The following DCHS2 variants were observed in gnomAD, a reference collection of about 807,000 sequenced individuals.
DCHS2 encodes the protein dachsous cadherin-related 2, also known as protocadherin-23.
In DCHS2, 142 loss-of-function variants were observed where a neutral mutation model predicts 182.4. The ratio of observed to expected loss-of-function variants is 0.78; its 90% CI spans 0.68 to 0.89. DCHS2 has a LOEUF of 0.89. Among genes scored for constraint, DCHS2 ranks in the 40% least tolerant of loss-of-function variants. The pLI is 0.00. For synonymous variants in DCHS2, 1,740 were observed against 1,663.3 expected (o/e 1.05, Z -1.12); for missense variants, 4,319 against 4,198.6 (o/e 1.03, Z -0.79).
At chr4:154,463,904 T>C (rs913048763) in intron 1 of DCHS2, among the ~76,000 whole-genome samples, 5 of 152,148 alleles carry the variant, frequency 3.3e-5, no homozygotes, top group African/African-American at 1.2e-4. Context: ...AAAAAACATG[T>C]GTAAAAATAA....
chr4:154,289,892 T>TA (rs1358907557), intron 13 of DCHS2, among the ~76,000 whole-genome samples: 1 of 152,042 alleles, frequency 6.6e-6, no homozygotes, highest in African/African-American at 2.4e-5. Flanking sequence ...CCCTTCATGA[T>TA]AAACACCTTC....
rs1046092249 is a variant in DCHS2, at chr4:154,406,423, C to T, written c.2053-28979G>A. Among the ~76,000 whole-genome samples, 5 of 152,302 alleles carry T rather than the reference C, an allele frequency of 3.3e-5. No homozygotes were observed. The East Asian group carries it at 9.6e-4, about 29-fold the overall frequency. On this transcript the variant is annotated intron_variant, in intron 1 of 19. Transcript: ENST00000357232. ...TTCCTGTTCTCTTCTCTCAAGAATC[C>T]CAGTCCTGCTCTGCCTATTGTCCAA...
chr4:154,439,444 GT>G, intron 1 of DCHS2, among the ~76,000 whole-genome samples: 1 of 152,132 alleles, frequency 6.6e-6, no homozygotes, highest in East Asian at 1.9e-4. Flanking sequence ...TGAAATACTT[GT>G]TTTTTAGTTA....
intron 13 of DCHS2, among the ~76,000 whole-genome samples, chr4:154,271,101 G>A (rs1195303753): frequency 6.6e-6 from 1 of 152,136 alleles, no homozygotes; most frequent in Non-Finnish European, 1.5e-5. Flanking sequence ...GACTGATAGA[G>A]GCAAGAAGAC....
At chr4:154,333,702 G>T in intron 4 of DCHS2, 1 of 605,614 alleles carries the variant, frequency 1.7e-6, no homozygotes, top group East Asian at 2.8e-5. Flanking sequence ...TTACCATTGG[G>T]GTACAACTGC....
At chr4:154,425,210 T>C (rs4696564) in intron 1 of DCHS2, among the ~76,000 whole-genome samples, 126,474 of 152,154 alleles carry the variant, frequency 0.83, 54,886 homozygotes, top group Non-Finnish European at 0.95. Context: ...AATGAAAGGA[T>C]GAACTTCTTT....
At chr4:154,487,826 A>G (rs1263268484) in intron 1 of DCHS2, among the ~76,000 whole-genome samples, 1 of 152,254 alleles carries the variant, frequency 6.6e-6, no homozygotes, top group Non-Finnish European at 1.5e-5. Context: ...TATTTACTCA[A>G]GTTATTTCAG....
In DCHS2 at chr4:154,333,375, C is replaced by G; in HGVS notation, c.2833G>C (p.Val945Leu). Reference protein sequence around the residue: ...RKPLDHETQPVVVLTVQAQLG... With the variant: ...RKPLDHETQPLVVLTVQAQLG... ...TGCGCCTGCACCGTGAGCACAACCA[C>G]GGGCTGCGTCTCGTGATCCAGGGGC... The change falls in exon 5 of 20, where the codon GTG (valine) becomes CTG (leucine). Residue 945 changes from valine (V) to leucine (L), a missense_variant. Coordinates refer to ENST00000357232, the MANE Select transcript of DCHS2 (RefSeq NM_001358235.2). 17 of 1,614,178 alleles carry G rather than the reference C, an allele frequency of 1.1e-5. No individual in the cohort carries two copies. The highest frequency in any genetic ancestry group is 1.4e-5 in the Non-Finnish European group (17 of 1,180,046).
chr4:154,328,234 T>C (rs748915535), intron 6 of DCHS2, 42 bp from the exon 7 acceptor site: 47 of 1,475,502 alleles, frequency 3.2e-5, no homozygotes, highest in Non-Finnish European at 4.4e-5. Flanking sequence ...TCAGCAAAAG[T>C]TTAAAAAGAA....
At chr4:154,410,995 C>T (rs1351107441) in intron 1 of DCHS2, among the ~76,000 whole-genome samples, 2 of 152,104 alleles carry the variant, frequency 1.3e-5, no homozygotes, top group East Asian at 3.9e-4. Context: ...CAAGGAAAAA[C>T]AACAAAAACT....
chr4:154,236,745 A>C lies in DCHS2; in HGVS notation c.7907T>G (p.Leu2636Arg). ...EASASHELVI[L>R]ASDSGCPPLS... ...TGGAGGGCAGCCACTGTCAGATGCC[A>C]GAATGACAAGCTCATGGCTAGCACT... Residue 2636 changes from leucine (L) to arginine (R), a missense_variant, in exon 20 of 20, where the codon CTG becomes CGG. Physicochemically the swap from Leu to Arg is moderately radical, Grantham distance 102. Transcript: ENST00000357232. 1.2e-6 allele frequency: 2 copies of C among 1,614,050 alleles called. No individual in the cohort carries two copies. The highest frequency in any genetic ancestry group is 1.7e-6 in the Non-Finnish European group (2 of 1,179,978).
In DCHS2 at chr4:154,297,835, T is replaced by G. The variant is rs761183717; in HGVS notation, c.6463+16A>C. ...AAAACAGGTACAATATATGAAAAAC[T>G]TGAAGGGACACTCACCTGCCTCACA... On this transcript the variant is annotated intron_variant, in intron 13 of 19. Coordinates refer to ENST00000357232, the MANE Select transcript of DCHS2 (RefSeq NM_001358235.2). 5 of 1,593,068 alleles carry G rather than the reference T, an allele frequency of 3.1e-6. No homozygotes were observed. Among genetic ancestry groups the G allele is most frequent in the Non-Finnish European group, 4.3e-6 (5 of 1,170,064 alleles).
At position 154,347,350 on chromosome 4, in the gene DCHS2, T is replaced by A. The variant is rs1578993035; in HGVS notation, c.2477-12246A>T. ...GATGGAGTAAGAAAAGAGCATGGAG[T>A]CAGATTTTTGCATCAGATACAGCTG... is the stretch of plus-strand genomic sequence containing the variant. On this transcript the variant is annotated intron_variant, in intron 3 of 19. Coordinates refer to ENST00000357232, the MANE Select transcript of DCHS2 (RefSeq NM_001358235.2). 2.0e-5 allele frequency among the ~76,000 whole-genome samples: 3 copies of A among 149,960 alleles called. No individual in the cohort carries two copies. In the South Asian group the frequency reaches 6.3e-4, roughly 32 times the overall value.
rs74908326 is a variant in DCHS2, at chr4:154,313,373, A to G, written c.5260+2375T>C. Among the ~76,000 whole-genome samples the G allele has an allele frequency of 1.1e-3, 171 of 152,322 alleles. 1 individual carries two copies. The East Asian group carries it at 0.03, about 27-fold the overall frequency. On this transcript the variant is annotated intron_variant, in intron 10 of 19. Coordinates refer to ENST00000357232, the MANE Select transcript of DCHS2 (RefSeq NM_001358235.2). The stretch of plus-strand genomic sequence containing the variant: ...TGTGAGTCATATACCATAAACATTC[A>G]GTGCTCAAATCCCTGTGGGCTTTGA...
At chr4:154,454,172 C>T (rs1379069973) in intron 1 of DCHS2, among the ~76,000 whole-genome samples, 2 of 151,838 alleles carry the variant, frequency 1.3e-5, no homozygotes, top group African/African-American at 4.8e-5. Flanking sequence ...GCCAGGATAT[C>T]GATGTACTCA....
intron 1 of DCHS2, among the ~76,000 whole-genome samples, chr4:154,441,544 A>T (rs1390605124): frequency 1.4e-5 from 2 of 145,210 alleles, no homozygotes; most frequent in African/African-American, 5.0e-5. Flanking sequence ...ATAGGATAAC[A>T]TAAATAAAAG....
intron 10 of DCHS2, among the ~76,000 whole-genome samples, chr4:154,311,151 T>G (rs1394169356): frequency 6.6e-6 from 1 of 152,122 alleles, no homozygotes; most frequent in African/African-American, 2.4e-5. Flanking sequence ...GGGATAAAAT[T>G]TTATCCTCCT....
At chr4:154,471,385 A>G (rs1218600468) in intron 1 of DCHS2, among the ~76,000 whole-genome samples, 3 of 152,154 alleles carry the variant, frequency 2.0e-5, no homozygotes, top group Admixed American at 1.3e-4. Flanking sequence ...TACCCTTTTC[A>G]TATCACAGCA....
rs1010531864 is a variant in DCHS2, at chr4:154,465,538, G to A, written c.2052+23766C>T. Among the ~76,000 whole-genome samples the A allele has an allele frequency of 7.2e-5, 11 of 151,898 alleles. No individual in the cohort carries two copies. The East Asian group carries it at 7.7e-4, about 11-fold the overall frequency. The stretch of plus-strand genomic sequence containing the variant: ...GCAAAAATTAGCCAGGCATGGTGGC[G>A]CACCCCTGTAATCCCAGCTACCTGG... On this transcript the variant is annotated intron_variant, in intron 1 of 19. Transcript: ENST00000357232.
Sources: gnomAD v4.1 joint callset for allele counts (sites outside exome capture counted in the v4.1 genomes callset) on GRCh38, gnomAD v4.1.1 for gene constraint, MANE v1.5 for transcripts, NCBI Gene and HGNC (gene_info 2026-07-23, HGNC 2026-07-21) for gene names.